The following WASF1 variants were observed in gnomAD, a reference collection of about 807,000 sequenced individuals.
WASF1 encodes actin-binding protein WASF1.
A neutral mutation model predicts 50.5 loss-of-function variants in WASF1; 7 were observed. The observed-to-expected ratio is 0.14, with a 90% CI of 0.08 to 0.26. The LOEUF (loss-of-function observed/expected upper bound fraction) is 0.26, where lower values mean the gene tolerates loss of function less well. WASF1 is among the 10% of genes least tolerant of loss of function. The pLI is 1.00. For synonymous variants in WASF1, 205 were observed against 244.0 expected (o/e 0.84, Z 1.49); for missense variants, 470 against 694.7 (o/e 0.68, Z 3.64).
intron 2 of WASF1, among the ~76,000 whole-genome samples, chr6:110,167,263 C>CT (rs1776517978): frequency 6.6e-6 from 1 of 151,774 alleles, no homozygotes; most frequent in Middle Eastern, 3.4e-3. Flanking sequence ...CTATCCTATA[C>CT]TTTTTATCAT....
At chr6:110,174,479 G>A (rs567509054) in intron 2 of WASF1, among the ~76,000 whole-genome samples, 17 of 152,246 alleles carry the variant, frequency 1.1e-4, no homozygotes, top group African/African-American at 3.9e-4. Context: ...GTAGCAGGCA[G>A]GCAGAATTGT....
rs369020075 is a variant in WASF1, at chr6:110,150,947, G to C, written c.-29+9688C>G. On this transcript the variant is annotated intron_variant, in intron 3 of 10. Transcript: ENST00000392589. ...AGCTACTTGGGAGGCTGAGGCAGGA[G>C]AATCACTTGAACCCAGGAGGCGAAG... 1.2e-4 allele frequency among the ~76,000 whole-genome samples: 18 copies of C among 152,330 alleles called. No individual in the cohort carries two copies. The East Asian group carries it at 3.3e-3, about 28-fold the overall frequency.
intron 2 of WASF1, among the ~76,000 whole-genome samples, chr6:110,177,464 C>T (rs1200892801): frequency 6.6e-6 from 1 of 151,986 alleles, no homozygotes; most frequent in African/African-American, 2.4e-5. Context: ...CATGGAAAAT[C>T]CTGACATTTT....
intron 3 of WASF1, among the ~76,000 whole-genome samples, chr6:110,149,797 C>A (rs1775745456): frequency 6.6e-6 from 1 of 152,110 alleles, no homozygotes; most frequent in South Asian, 2.1e-4. Context: ...GATTATGGTA[C>A]ACCCATCACC....
chr6:110,121,839 GAA>G (rs2114499866), intron 4 of WASF1, among the ~76,000 whole-genome samples: 1 of 152,262 alleles, frequency 6.6e-6, no homozygotes, highest in Non-Finnish European at 1.5e-5. Context: ...ATACACCATG[GAA>G]TACTATGTAG....
chr6:110,148,228 C>T (rs1484784267), intron 3 of WASF1, among the ~76,000 whole-genome samples: 2 of 152,062 alleles, frequency 1.3e-5, no homozygotes, highest in Non-Finnish European at 2.9e-5. Context: ...TACTGACACA[C>T]TGCCATCCAT....
chr6:110,159,227 A>C (rs2114598237), intron 3 of WASF1, among the ~76,000 whole-genome samples: 1 of 152,112 alleles, frequency 6.6e-6, no homozygotes, highest in South Asian at 2.1e-4. Context: ...ACAGGAAAAG[A>C]AAAAAGAGCA....
intron 3 of WASF1, among the ~76,000 whole-genome samples, chr6:110,143,503 T>C (rs1000760831): frequency 5.3e-5 from 8 of 152,044 alleles, no homozygotes; most frequent in Admixed American, 3.9e-4. Flanking sequence ...ATTTTATGAA[T>C]TGAGAAATCA....
intron 4 of WASF1, among the ~76,000 whole-genome samples, chr6:110,119,775 A>C (rs1774003368): frequency 1.3e-5 from 2 of 152,152 alleles, no homozygotes; most frequent in South Asian, 4.1e-4. Flanking sequence ...GATGAACACC[A>C]ATGCAAAAAT....
intron 3 of WASF1, among the ~76,000 whole-genome samples, chr6:110,131,798 TG>T (rs1342503559): frequency 6.6e-6 from 1 of 152,214 alleles, no homozygotes; most frequent in Non-Finnish European, 1.5e-5. Context: ...CCACTGTGCC[TG>T]GCTTATAGTT....
chr6:110,103,412 C>T lies in WASF1; in HGVS notation c.859G>A (p.Ala287Thr), dbSNP rs1447559239. The change falls in exon 9 of 11, where the codon GCA becomes ACA. Residue 287 changes from alanine (A) to threonine (T), a missense_variant. Coordinates refer to ENST00000392589, the MANE Select transcript of WASF1 (RefSeq NM_003931.3). ...GTGGGTATCGGTTTTGCATCTCCTG[C>T]TCCATGCATTGGTGGAGGTGGAGGT... ...EPPPPPPMHG[A>T]GDAKPIPTCI... 9.3e-6 allele frequency: 15 copies of T among 1,613,816 alleles called. No individual in the cohort carries two copies. The highest frequency in any genetic ancestry group is 1.3e-5 in the Non-Finnish European group (15 of 1,179,890).
At chr6:110,161,116 CTCTAACT>C (rs968584211) in intron 2 of WASF1, among the ~76,000 whole-genome samples, 4 of 151,458 alleles carry the variant, frequency 2.6e-5, no homozygotes, top group African/African-American at 9.7e-5. Context: ...AGATGTCTTC[CTCTAACT>C]TCTAAGTTCA....
intron 2 of WASF1, among the ~76,000 whole-genome samples, chr6:110,176,097 A>G (rs1243445756): frequency 2.0e-5 from 3 of 152,024 alleles, no homozygotes; most frequent in African/African-American, 4.8e-5. Context: ...TCAATTGTGT[A>G]GTAAGTTAGA....
chr6:110,136,058 G>T (rs750151771), intron 3 of WASF1, among the ~76,000 whole-genome samples: 1 of 151,066 alleles, frequency 6.6e-6, no homozygotes, highest in Non-Finnish European at 1.5e-5. Flanking sequence ...TAATTTTTTT[G>T]TATTTTTAGT....
chr6:110,107,925 G>A (rs933311111), intron 6 of WASF1, among the ~76,000 whole-genome samples: 3 of 152,046 alleles, frequency 2.0e-5, no homozygotes, highest in Non-Finnish European at 2.9e-5. Flanking sequence ...CCAGCACTTT[G>A]AGAGGCCAAG....
intron 3 of WASF1, among the ~76,000 whole-genome samples, chr6:110,145,491 G>A (rs1266001096): frequency 3.9e-5 from 6 of 152,142 alleles, no homozygotes; most frequent in South Asian, 4.2e-4. Flanking sequence ...AACTTCCAAC[G>A]CTATGTTGAA....
At chr6:110,127,772 T>C in intron 3 of WASF1, 143 bp from the exon 4 acceptor site, 1 of 673,674 alleles carries the variant, frequency 1.5e-6, no homozygotes, top group Non-Finnish European at 2.1e-6. Flanking sequence ...TGGTGGATTT[T>C]CTTCCCTCTC....
chr6:110,102,050 G>A lies in WASF1; in HGVS notation c.1060C>T (p.Pro354Ser), dbSNP rs1475177787. 1.3e-6 allele frequency: 2 copies of A among 1,523,524 alleles called. No individual in the cohort carries two copies. The highest frequency in any genetic ancestry group is 2.8e-5 in the African/African-American group (2 of 71,742). 94.4% of individuals were successfully genotyped at this position (1,523,524 alleles called of 1,614,324 possible). ...GCAGTGGCTGGAGGTGGAGGTGGGGGAGGTACTGGAGGGGGAGGAGTTGAA... is the reference window on the plus strand; with the variant it reads ...GCAGTGGCTGGAGGTGGAGGTGGGGAAGGTACTGGAGGGGGAGGAGTTGAA... ...MTSTPPPPVP[P>S]PPPPPATALQ... is the part of the protein sequence containing the mutation. Residue 354 changes from proline to serine, a missense_variant, in exon 10 of 11, where the codon CCC (proline) becomes TCC (serine). Pro to Ser is a moderately conservative substitution (Grantham distance 74, BLOSUM62 -1). Transcript: ENST00000392589.
chr6:110,130,863 T>C (rs1362878374), intron 3 of WASF1, among the ~76,000 whole-genome samples: 2 of 152,260 alleles, frequency 1.3e-5, no homozygotes, highest in South Asian at 2.1e-4. Context: ...CTTGACACTG[T>C]CAGTTTTTAA....
Sources: allele counts gnomAD v4.1 joint callset (sites outside exome capture counted in the v4.1 genomes callset), GRCh38; gene constraint gnomAD v4.1.1; transcripts MANE v1.5; gene names NCBI Gene and HGNC (gene_info 2026-07-23, HGNC 2026-07-21).